The following SLC4A8 variants were observed in gnomAD, a reference collection of about 807,000 sequenced individuals.
The protein encoded by SLC4A8 is electroneutral sodium bicarbonate exchanger 1.
Under a neutral mutation model 125.0 loss-of-function variants are expected in SLC4A8, and 40 were observed. That is an observed-to-expected ratio of 0.32 (90% CI 0.25 to 0.42). The LOEUF (loss-of-function observed/expected upper bound fraction) is 0.42. Among genes scored for constraint, SLC4A8 ranks in the 10% least tolerant of loss-of-function variants. SLC4A8 has a pLI of 1.00. For synonymous variants in SLC4A8, 456 were observed against 476.0 expected (o/e 0.96, Z 0.55); for missense variants, 863 against 1,355.1 (o/e 0.64, Z 5.70).
chr12:51,398,279 AC>A (rs1184150495), intron 1 of SLC4A8, among the ~76,000 whole-genome samples: 2 of 152,122 alleles, frequency 1.3e-5, no homozygotes, highest in African/African-American at 2.4e-5. Flanking sequence ...ATTTTATATT[AC>A]CTATTTTAGG....
rs1006285887 is a variant in SLC4A8, at chr12:51,425,321, TCTC to T, written c.48+290_48+292del. 1.3e-4 allele frequency: 166 copies of T among 1,249,206 alleles called. 1 individual carries two copies. In the East Asian group the frequency reaches 5.0e-3, roughly 38 times the overall value. The allele number at this position is 1,249,206 out of a possible 1,614,324, so 77.4% of individuals were successfully genotyped here. A position where few individuals can be genotyped will look rare whatever the true frequency, so the allele number is the denominator to read the frequency against. On this transcript the variant is annotated intron_variant, in intron 1 of 24. Transcript: ENST00000453097. ...CAGCCGGCGGGCGGCGACCTCTTGTTCTCCTCGCGTCTTTCTGTTGGAAGGGGC... is the reference window on the plus strand; with the variant it reads ...CAGCCGGCGGGCGGCGACCTCTTGTTCTCGCGTCTTTCTGTTGGAAGGGGC...
chr12:51,469,141 A>G (rs976846672), intron 11 of SLC4A8: 2 of 153,756 alleles, frequency 1.3e-5, no homozygotes, highest in African/African-American at 4.8e-5. Flanking sequence ...CTACTTGTCA[A>G]TTGCATGAAT....
At chr12:51,444,151 G>A (rs372111569) in intron 2 of SLC4A8, among the ~76,000 whole-genome samples, 2 of 152,176 alleles carry the variant, frequency 1.3e-5, no homozygotes, top group East Asian at 3.8e-4. Context: ...GGGGCAAAGA[G>A]CGGTTGAATG....
At chr12:51,417,731 T>C (rs1246450451) in intron 1 of SLC4A8, among the ~76,000 whole-genome samples, 2 of 152,218 alleles carry the variant, frequency 1.3e-5, no homozygotes, top group African/African-American at 4.8e-5. Context: ...TTGGCCAGGC[T>C]GGTCTCGAAC....
intron 1 of SLC4A8, among the ~76,000 whole-genome samples, chr12:51,437,892 A>G (rs1403044424): frequency 6.6e-6 from 1 of 152,208 alleles, no homozygotes; most frequent in Non-Finnish European, 1.5e-5. Flanking sequence ...ATAGATTGCC[A>G]GGGAAATCAG....
At chr12:51,401,418 T>C (rs1948389247) in intron 1 of SLC4A8, among the ~76,000 whole-genome samples, 1 of 152,166 alleles carries the variant, frequency 6.6e-6, no homozygotes, top group African/African-American at 2.4e-5. Context: ...AAGGTGGTTT[T>C]CCCCTGAGTT....
intron 1 of SLC4A8, among the ~76,000 whole-genome samples, chr12:51,405,398 A>G (rs1948465810): frequency 6.6e-6 from 1 of 152,198 alleles, no homozygotes; most frequent in Non-Finnish European, 1.5e-5. Flanking sequence ...TCTCTGCTTC[A>G]TTACACCATT....
intron 2 of SLC4A8, among the ~76,000 whole-genome samples, chr12:51,441,486 G>GGA (rs1233513668): frequency 6.6e-6 from 1 of 152,106 alleles, no homozygotes; most frequent in Admixed American, 6.5e-5. Flanking sequence ...TTTCCCCTGG[G>GGA]GACTAGTTGG....
intron 2 of SLC4A8, chr12:51,441,068 T>G (rs935084601): frequency 1.9e-5 from 21 of 1,101,026 alleles, no homozygotes; most frequent in African/African-American, 8.2e-5. Flanking sequence ...AACCTGTTCT[T>G]TGAGAATGTG....
At chr12:51,471,208 T>A in intron 13 of SLC4A8, 79 bp from the exon 14 acceptor site, 2 of 1,380,044 alleles carry the variant, frequency 1.4e-6, no homozygotes, top group Non-Finnish European at 2.0e-6. Flanking sequence ...TTAGATGAAA[T>A]GAATTAACCA....
At chr12:51,425,324 C>T in intron 1 of SLC4A8, 1 of 1,247,234 alleles carries the variant, frequency 8.0e-7, no homozygotes, top group Non-Finnish European at 1.0e-6. Flanking sequence ...CTCTTGTTCT[C>T]CTCGCGTCTT....
intron 1 of SLC4A8, among the ~76,000 whole-genome samples, chr12:51,398,513 T>C (rs1350748522): frequency 6.6e-6 from 1 of 152,252 alleles, no homozygotes; most frequent in Non-Finnish European, 1.5e-5. Flanking sequence ...TGTAAGATTT[T>C]GCTGTGAGAG....
At chr12:51,439,925 C>T (rs1949540208) in intron 1 of SLC4A8, among the ~76,000 whole-genome samples, 1 of 152,164 alleles carries the variant, frequency 6.6e-6, no homozygotes, top group Non-Finnish European at 1.5e-5. Context: ...TGAGGTGTGG[C>T]ATCCTAGTGG....
chr12:51,408,512 C>T (rs1948536905), intron 1 of SLC4A8, among the ~76,000 whole-genome samples: 1 of 152,148 alleles, frequency 6.6e-6, no homozygotes, highest in South Asian at 2.1e-4. Flanking sequence ...GCTGGGATTA[C>T]AGACGTGAGA....
intron 2 of SLC4A8, among the ~76,000 whole-genome samples, chr12:51,449,281 C>CA (rs199802967): frequency 0.012 from 1,779 of 151,734 alleles, 33 homozygotes; most frequent in African/African-American, 0.04. Flanking sequence ...TACTAAAAAT[C>CA]AAAAAAATTA....
rs2138220689 is a variant in SLC4A8, at chr12:51,457,552, G to A, written c.763+13G>A. Reference sequence around the variant, plus strand: ...ATGGATAAACATGGTAAGATTATTAGGTGATTTTTCTCTCTTTATTAATAA... The same window carrying A: ...ATGGATAAACATGGTAAGATTATTAAGTGATTTTTCTCTCTTTATTAATAA... On this transcript the variant is annotated intron_variant, in intron 6 of 24. Coordinates refer to ENST00000453097, the MANE Select transcript of SLC4A8 (RefSeq NM_001039960.3). The A allele has an allele frequency of 6.2e-7, 1 of 1,604,378 alleles. No homozygotes were observed. The highest frequency in any genetic ancestry group is 1.7e-4 in the Middle Eastern group (1 of 6,002).
At chr12:51,419,009 G>A (rs1203880837) in intron 1 of SLC4A8, among the ~76,000 whole-genome samples, 1 of 152,180 alleles carries the variant, frequency 6.6e-6, no homozygotes, top group Non-Finnish European at 1.5e-5. Context: ...GCTGGTGGGG[G>A]AGGGGTTAAT....
chr12:51,397,294 A>G (rs985542275), intron 1 of SLC4A8, among the ~76,000 whole-genome samples: 3 of 152,230 alleles, frequency 2.0e-5, no homozygotes, highest in African/African-American at 7.2e-5. Context: ...CAAACGTGGC[A>G]ATCTTACAAT....
intron 10 of SLC4A8, among the ~76,000 whole-genome samples, chr12:51,463,410 G>GGTGTGTGTGTGT (rs71731491): frequency 1.4e-5 from 2 of 144,028 alleles, no homozygotes; most frequent in South Asian, 2.3e-4. Context: ...GAAATTATGG[G>GGTGTGTGTGTGT]GTGTGTGTGT....
Sources: allele counts gnomAD v4.1 joint callset (sites outside exome capture counted in the v4.1 genomes callset), GRCh38; gene constraint gnomAD v4.1.1; transcripts MANE v1.5; gene names NCBI Gene and HGNC (gene_info 2026-07-23, HGNC 2026-07-21).